Variants in CAMK2G observed in about 807,000 individuals in gnomAD.
CAMK2G encodes the protein calcium/calmodulin dependent protein kinase II gamma, also known as calcium/calmodulin-dependent protein kinase type II subunit gamma.
CAMK2G carries 23 observed loss-of-function variants against 88.7 expected under a neutral mutation model. The ratio of observed to expected loss-of-function variants is 0.26; its 90% CI spans 0.19 to 0.37. CAMK2G has a LOEUF of 0.37. Among genes scored for constraint, CAMK2G ranks in the 10% least tolerant of loss-of-function variants. CAMK2G has a pLI of 1.00. For synonymous variants in CAMK2G, 263 were observed against 294.8 expected, an observed-to-expected ratio of 0.89 and a Z score of 1.11; for missense variants, 476 against 780.8, an observed-to-expected ratio of 0.61 and a Z score of 4.65.
Position 73,842,879 on chromosome 10 carries a change from G to C in CAMK2G, c.820-338C>G, listed in dbSNP as rs1478236872. ...TCATTCAGTCACTCCTTAGGCAGCT[G>C]TTTACTGAGCACCTACTGCGTTCCA... On this transcript the variant is annotated intron_variant, in intron 10 of 22. Transcript: ENST00000423381. The surrounding 1 kb of genome is among the most constrained non-coding windows in gnomAD (Gnocchi z 4.6). 6.6e-6 allele frequency among the ~76,000 whole-genome samples: 1 copy of C among 152,084 alleles called. No individual in the cohort carries two copies. The highest frequency in any genetic ancestry group is 1.5e-5 in the Non-Finnish European group (1 of 68,026).
chr10:73,841,569 C>T (rs1240441890), intron 12 of CAMK2G, among the ~76,000 whole-genome samples: 5 of 152,184 alleles, frequency 3.3e-5, no homozygotes, highest in African/African-American at 1.2e-4. Flanking sequence ...ATTGGTCCCA[C>T]CTCTCCCAAT....
rs1021766951 is a variant in CAMK2G at position 73,839,467 on chromosome 10, C to T, written c.1009+72G>A. The T allele has an allele frequency of 2.6e-5, 23 of 873,138 alleles. No individual in the cohort carries two copies. Among genetic ancestry groups the T allele is most frequent in the South Asian group, 1.7e-4 (3 of 17,414 alleles). 54.1% of individuals were successfully genotyped at this position (873,138 alleles called of 1,614,324 possible). ...GACTCGCCTCCCTGGTGAGTGGGCC[C>T]GGCATGCTGGCCCTCCTGGTGGGGT... On this transcript the variant is annotated intron_variant, in intron 13 of 22. Transcript: ENST00000423381. The surrounding 1 kb of genome is among the most constrained non-coding windows in gnomAD (Gnocchi z 4.2).
intron 16 of CAMK2G, among the ~76,000 whole-genome samples, chr10:73,824,461 A>T (rs2090234589): frequency 6.6e-6 from 1 of 152,212 alleles, no homozygotes; most frequent in Admixed American, 6.5e-5. Flanking sequence ...CCCCGCCCAC[A>T]GCGTTCATCA....
At chr10:73,817,642 G>C in intron 19 of CAMK2G, 88 bp from the exon 20 acceptor site, 1 of 841,622 alleles carries the variant, frequency 1.2e-6, no homozygotes, top group South Asian at 1.3e-5. Context: ...AGTCCCCTGT[G>C]ATCGCTTATG....
At chr10:73,873,293 C>CT in intron 1 of CAMK2G, 1 of 1,271,052 alleles carries the variant, frequency 7.9e-7, no homozygotes, top group Non-Finnish European at 1.0e-6. Context: ...GGGTGGCGTG[C>CT]CGCGCTCCCA....
intron 2 of CAMK2G, among the ~76,000 whole-genome samples, chr10:73,870,974 CAG>C (rs2095807246): frequency 6.6e-6 from 1 of 152,194 alleles, no homozygotes. Flanking sequence ...CACCTCCACA[CAG>C]TACTGGCTGG....
chr10:73,815,378 C>G (rs538353880), intron 21 of CAMK2G, 131 bp from the exon 22 acceptor site: 19 of 645,758 alleles, frequency 2.9e-5, no homozygotes, highest in Admixed American at 1.1e-4. Flanking sequence ...CGCCCCCCCC[C>G]ACCCCCGAAC....
chr10:73,815,939 T>C, intron 21 of CAMK2G: 2 of 985,478 alleles, frequency 2.0e-6, no homozygotes, highest in Non-Finnish European at 2.4e-6. Context: ...AGGGGCTACA[T>C]GACACCTTCC....
chr10:73,821,936 C>A (rs1191538859), intron 17 of CAMK2G, among the ~76,000 whole-genome samples: 4 of 152,204 alleles, frequency 2.6e-5, no homozygotes, highest in Non-Finnish European at 4.4e-5. Context: ...TACCCAGTTA[C>A]TCAGGCTAAA....
At chr10:73,850,749 G>A (rs925885061) in intron 5 of CAMK2G, among the ~76,000 whole-genome samples, 3 of 152,192 alleles carry the variant, frequency 2.0e-5, no homozygotes, top group African/African-American at 7.2e-5. Context: ...GATGCCACAA[G>A]AACCAAGGGG....
chr10:73,835,940 T>C (rs969052683), intron 14 of CAMK2G, among the ~76,000 whole-genome samples: 1 of 152,168 alleles, frequency 6.6e-6, no homozygotes, highest in Non-Finnish European at 1.5e-5. Flanking sequence ...GTTCAAGCCA[T>C]TCTCCTGCCT....
At position 73,819,653 on chromosome 10, in the gene CAMK2G, G is replaced by A; in HGVS notation, c.1250-8C>T. ...CAGTGCGGAGCGGGGCAGCTAGCCA[G>A]CCAGGGCAGGGCAGGGCAGGGCAAG... On this transcript the variant is annotated splice_region_variant and splice_polypyrimidine_tract_variant and intron_variant, in intron 18 of 22. Transcript: ENST00000423381. 6.6e-7 allele frequency: 1 copy of A among 1,522,952 alleles called. No individual in the cohort carries two copies. 94.3% of individuals were successfully genotyped at this position (1,522,952 alleles called of 1,614,324 possible).
chr10:73,820,028 C>T (rs2087330995), intron 18 of CAMK2G, among the ~76,000 whole-genome samples: 1 of 152,220 alleles, frequency 6.6e-6, no homozygotes, highest in Non-Finnish European at 1.5e-5. Context: ...GATCTGACCT[C>T]ACTCACAGGG....
chr10:73,821,749 A>G lies in CAMK2G; in HGVS notation c.1201-19T>C. The G allele has an allele frequency of 6.3e-7, 1 of 1,598,952 alleles. No individual in the cohort carries two copies. The highest frequency in any genetic ancestry group is 8.6e-7 in the Non-Finnish European group (1 of 1,168,546). ...TGGAGCCCTGTAGGCCAAAAAGAAC[A>G]TGTTTCTATATGCTCCATCCCTTGG... On this transcript the variant is annotated intron_variant, in intron 17 of 22. Coordinates refer to ENST00000423381, the MANE Select transcript of CAMK2G (RefSeq NM_001367534.1).
At position 73,848,555 on chromosome 10, in the gene CAMK2G, T is replaced by C. The variant is rs1239577775; in HGVS notation, c.572A>G (p.Tyr191Cys). ...LSPEVLRKDPYGKPVDIWACG... is the reference protein window; with the variant it reads ...LSPEVLRKDPCGKPVDIWACG... The stretch of plus-strand genomic sequence containing the variant: ...GGCCCAGATATCCACAGGTTTTCCA[T>C]AGGGATCTTTCCTCAAGACCTCAGG... Residue 191 changes from tyrosine to cysteine, a missense_variant, in exon 8 of 23, where the codon TAT becomes TGT. Transcript: ENST00000423381. The surrounding 1 kb of genome is among the most constrained non-coding windows in gnomAD (Gnocchi z 4.5). 3.7e-6 allele frequency: 6 copies of C among 1,612,896 alleles called. No homozygotes were observed. The highest frequency in any genetic ancestry group is 5.1e-6 in the Non-Finnish European group (6 of 1,179,478).
intron 2 of CAMK2G, among the ~76,000 whole-genome samples, chr10:73,872,173 G>T (rs1004891634): frequency 6.6e-6 from 1 of 152,182 alleles, no homozygotes; most frequent in Admixed American, 6.5e-5. Flanking sequence ...GGTGAGTTTG[G>T]CAAGTACCCA....
At position 73,817,077 on chromosome 10, in the gene CAMK2G, C is replaced by T. The variant is rs1323955220; in HGVS notation, c.1480G>A (p.Ala494Thr). Reference protein sequence around the residue: ...DPGLTSFEPEALGNLVEGMDF... With the variant: ...DPGLTSFEPETLGNLVEGMDF... The stretch of plus-strand genomic sequence containing the variant: ...ATCCCCTCCACGAGGTTACCAAGGG[C>T]CTCAGGCTCAAAGGAAGTGAGGCCT... Residue 494 changes from alanine (A) to threonine (T), a missense_variant, in exon 21 of 23, where the codon GCC (alanine) becomes ACC (threonine). Physicochemically the swap from Ala to Thr is moderately conservative, Grantham distance 58. Coordinates refer to ENST00000423381, the MANE Select transcript of CAMK2G (RefSeq NM_001367534.1). The T allele has an allele frequency of 6.2e-7, 1 of 1,613,910 alleles. No homozygotes were observed. The highest frequency in any genetic ancestry group is 1.1e-5 in the South Asian group (1 of 91,068).
chr10:73,847,906 C>T (rs2094362331), intron 9 of CAMK2G, 82 bp downstream of exon 9: 2 of 842,220 alleles, frequency 2.4e-6, no homozygotes, highest in Non-Finnish European at 4.0e-6. Context: ...ACACACTAAA[C>T]AAGCCTGCTC....
At position 73,814,491 on chromosome 10, in the gene CAMK2G, A is replaced by C. The variant is rs765549290; in HGVS notation, c.*27T>G. ...CTGCGAAGGTTGGACCTCCGGCTGGAATCTCCTAAAGCCCCTGTCAAACAG... is the reference window on the plus strand; with the variant it reads ...CTGCGAAGGTTGGACCTCCGGCTGGCATCTCCTAAAGCCCCTGTCAAACAG... On this transcript the variant is annotated 3_prime_UTR_variant, in exon 23 of 23. Coordinates refer to ENST00000423381, the MANE Select transcript of CAMK2G (RefSeq NM_001367534.1). 1 of 154,048 alleles carries C rather than the reference A, an allele frequency of 6.5e-6. No individual in the cohort carries two copies. Among genetic ancestry groups the C allele is most frequent in the Non-Finnish European group, 1.5e-5 (1 of 68,868 alleles). 9.5% of individuals were successfully genotyped at this position (154,048 alleles called of 1,614,324 possible).
Sources: allele counts gnomAD v4.1 joint callset (sites outside exome capture counted in the v4.1 genomes callset), GRCh38; gene constraint gnomAD v4.1.1; non-coding constraint Gnocchi (gnomAD v3.1); transcripts MANE v1.5; gene names NCBI Gene and HGNC (gene_info 2026-07-23, HGNC 2026-07-21).